The following CORO2B variants were observed in gnomAD, a reference collection of about 807,000 sequenced individuals.
The protein encoded by CORO2B is coronin-2B.
Under a neutral mutation model 58.8 loss-of-function variants are expected in CORO2B, and 26 were observed. That is an observed-to-expected ratio of 0.44 (90% CI 0.32 to 0.61). CORO2B has a LOEUF of 0.61. Among genes scored for constraint, CORO2B ranks in the 20% least tolerant of loss-of-function variants. The pLI, the probability that CORO2B is intolerant of heterozygous loss-of-function variation, is 0.04. For synonymous variants in CORO2B, 242 were observed against 253.8 expected, an observed-to-expected ratio of 0.95 and a Z score of 0.44; for missense variants, 460 against 645.1, an observed-to-expected ratio of 0.71 and a Z score of 3.11.
chr15:68,566,733 A>ATGGCCC, the CORO2B span, among the ~76,000 whole-genome samples: 1 of 152,126 alleles, frequency 6.6e-6, no homozygotes, highest in Non-Finnish European at 1.5e-5. Flanking sequence ...GTCATCCTGG[A>ATGGCCC]TGGGGAGGGA....
the CORO2B span, among the ~76,000 whole-genome samples, chr15:68,532,323 G>T: frequency 1.3e-5 from 2 of 152,002 alleles, no homozygotes; most frequent in African/African-American, 4.8e-5. Context: ...AGACATTGTG[G>T]CTATGCTTAT....
At chr15:68,690,234 C>T (rs940287892) in intron 2 of CORO2B, among the ~76,000 whole-genome samples, 5 of 152,168 alleles carry the variant, frequency 3.3e-5, no homozygotes, top group South Asian at 4.1e-4. Flanking sequence ...CGCTATGAAT[C>T]AGGGCCTTTT....
intron 9 of CORO2B, 54 bp from the exon 10 acceptor site, chr15:68,719,089 AG>A (rs1893100019): frequency 1.5e-6 from 2 of 1,337,284 alleles, no homozygotes; most frequent in Admixed American, 3.4e-5. Flanking sequence ...ACTGAAGAGT[AG>A]GGGCTTTCCC....
intron 1 of CORO2B, among the ~76,000 whole-genome samples, chr15:68,581,860 C>T (rs1332480788): frequency 2.0e-5 from 3 of 152,206 alleles, no homozygotes; most frequent in Admixed American, 6.5e-5. Flanking sequence ...TCTGCTGCTG[C>T]TTCTCCAGGC....
the CORO2B span, among the ~76,000 whole-genome samples, chr15:68,530,096 G>A: frequency 2.5e-4 from 38 of 152,274 alleles, no homozygotes; most frequent in South Asian, 1.2e-3. Context: ...AGGCCGAGGC[G>A]GGTGGATCAC....
At chr15:68,629,364 C>G (rs1036665833) in intron 1 of CORO2B, among the ~76,000 whole-genome samples, 2 of 152,184 alleles carry the variant, frequency 1.3e-5, no homozygotes, top group Non-Finnish European at 2.9e-5. Flanking sequence ...ACTCACTGAG[C>G]CTGGAGCTGA....
In CORO2B at chr15:68,587,213, A is replaced by C. The variant is rs78395934; in HGVS notation, c.15+7936A>C. ...CCCATCTCTAAAACAAACAAACAAA[A>C]AAAACCCCCTAAGTGTCTGCAGTTT... On this transcript the variant is annotated intron_variant, in intron 1 of 11. Transcript: ENST00000261861. Among the ~76,000 whole-genome samples, 41 of 152,218 alleles carry C rather than the reference A, an allele frequency of 2.7e-4. No homozygotes were observed. In the East Asian group the frequency reaches 6.6e-3, roughly 24 times the overall value.
intron 3 of CORO2B, among the ~76,000 whole-genome samples, chr15:68,705,331 G>A (rs573516446): frequency 2.2e-4 from 34 of 151,798 alleles, no homozygotes; most frequent in African/African-American, 7.3e-4. Flanking sequence ...CCAGTTACTC[G>A]GGAGGCTGAG....
intron 1 of CORO2B, among the ~76,000 whole-genome samples, chr15:68,639,955 C>T (rs185100243): frequency 3.9e-5 from 6 of 152,312 alleles, no homozygotes; most frequent in Admixed American, 2.0e-4. Context: ...GCCAGATTTT[C>T]AGGTCACCTC....
chr15:68,579,369 A>G (rs978053183), intron 1 of CORO2B, 92 bp downstream of exon 1: 1 of 1,143,722 alleles, frequency 8.7e-7, no homozygotes, highest in Non-Finnish European at 1.1e-6. Flanking sequence ...GGGTGTGGGG[A>G]GGGGGCGCCG....
chr15:68,646,248 C>T lies in CORO2B; in HGVS notation c.216+888C>T, dbSNP rs79438042. 4.7e-3 allele frequency among the ~76,000 whole-genome samples: 710 copies of T among 152,292 alleles called. 4 individuals carry two copies. In the Middle Eastern group the frequency reaches 0.065, roughly 14 times the overall value. ...AATTTTTAAGCCATAGCCACTCAGG[C>T]GGAGTCCCCAGAGGCCCGTGGGAGG... is the stretch of plus-strand genomic sequence containing the variant. On this transcript the variant is annotated intron_variant, in intron 2 of 11. Transcript: ENST00000261861.
chr15:68,674,886 C>A (rs891302861), intron 2 of CORO2B, among the ~76,000 whole-genome samples: 1 of 152,160 alleles, frequency 6.6e-6, no homozygotes, highest in African/African-American at 2.4e-5. Flanking sequence ...ATATTATCTC[C>A]CACTACACTC....
chr15:68,724,625 T>C (rs777617043), intron 11 of CORO2B, among the ~76,000 whole-genome samples: 2 of 152,242 alleles, frequency 1.3e-5, no homozygotes, highest in Non-Finnish European at 2.9e-5. Flanking sequence ...GCATCATCTT[T>C]ATCAAGATTT....
Position 68,710,750 on chromosome 15 carries a change from C to T in CORO2B, c.352C>T (p.Pro118Ser). The T allele has an allele frequency of 6.2e-7, 1 of 1,609,070 alleles. No individual in the cohort carries two copies. Among genetic ancestry groups the T allele is most frequent in the Non-Finnish European group, 8.5e-7 (1 of 1,177,650 alleles). ...EDTSVRIWEI[P>S]EGGLKRNMTE... Reference sequence around the variant, plus strand: ...TCTGCAGGTGCGGATCTGGGAGATCCCCGAGGGCGGGCTGAAGCGGAACAT... The same window carrying T: ...TCTGCAGGTGCGGATCTGGGAGATCTCCGAGGGCGGGCTGAAGCGGAACAT... The change falls in exon 4 of 12, where the codon CCC becomes TCC. Residue 118 changes from proline (P) to serine (S), a missense_variant. Coordinates refer to ENST00000261861, the MANE Select transcript of CORO2B (RefSeq NM_006091.5). The surrounding 1 kb of genome is among the most constrained non-coding windows in gnomAD (Gnocchi z 4.1).
At chr15:68,545,320 G>A in the CORO2B span, among the ~76,000 whole-genome samples, 2 of 152,084 alleles carry the variant, frequency 1.3e-5, no homozygotes, top group Non-Finnish European at 2.9e-5. Context: ...AAGGCGTTTG[G>A]TGCTATAAAT....
At chr15:68,644,084 A>G (rs1286729322) in intron 1 of CORO2B, among the ~76,000 whole-genome samples, 2 of 152,218 alleles carry the variant, frequency 1.3e-5, no homozygotes, top group Non-Finnish European at 2.9e-5. Flanking sequence ...ACTACAAAGT[A>G]TATCAGTTAC....
the CORO2B span, among the ~76,000 whole-genome samples, chr15:68,527,385 T>G: frequency 6.6e-6 from 1 of 152,302 alleles, no homozygotes; most frequent in East Asian, 1.9e-4. Context: ...GTGAGGTTTA[T>G]TTTTTCCTCA....
the CORO2B span, among the ~76,000 whole-genome samples, chr15:68,526,821 C>A: frequency 1.3e-5 from 2 of 152,176 alleles, no homozygotes; most frequent in African/African-American, 4.8e-5. Context: ...AAGGCACCAA[C>A]TTAAAGTTCT....
the CORO2B span, among the ~76,000 whole-genome samples, chr15:68,522,455 C>G: frequency 6.6e-6 from 1 of 151,998 alleles, no homozygotes; most frequent in African/African-American, 2.4e-5. Context: ...CTTTTTCTTT[C>G]TTTCTTTTTT....
Sources: gnomAD v4.1 joint callset for allele counts (sites outside exome capture counted in the v4.1 genomes callset) on GRCh38, gnomAD v4.1.1 for gene constraint, Gnocchi (gnomAD v3.1) non-coding constraint, MANE v1.5 for transcripts, NCBI Gene and HGNC (gene_info 2026-07-23, HGNC 2026-07-21) for gene names.